The following DPYSL4 variants were observed in gnomAD, a reference collection of about 807,000 sequenced individuals.
DPYSL4 encodes the protein dihydropyrimidinase like 4, also known as dihydropyrimidinase-related protein 4.
A neutral mutation model predicts 63.4 loss-of-function variants in DPYSL4; 43 were observed. The ratio of observed to expected loss-of-function variants is 0.68; its 90% CI spans 0.53 to 0.88. The LOEUF (loss-of-function observed/expected upper bound fraction) is 0.88. Ranked by LOEUF, DPYSL4 falls within the 40% of genes least tolerant of loss-of-function variation. DPYSL4 has a pLI of 0.00. For synonymous variants in DPYSL4, 353 were observed against 331.7 expected (o/e 1.06, Z -0.70); for missense variants, 733 against 819.5 (o/e 0.89, Z 1.29).
intron 3 of DPYSL4, 82 bp from the exon 4 acceptor site, chr10:132,194,763 T>C (rs1330041097): frequency 7.1e-6 from 11 of 1,544,854 alleles, no homozygotes; most frequent in Admixed American, 1.8e-5. Flanking sequence ...CTTGGGAACA[T>C]GAAACAGAAT....
chr10:132,198,494 A>G lies in DPYSL4; in HGVS notation c.690+11A>G, dbSNP rs768855605. On this transcript the variant is annotated intron_variant, in intron 7 of 13. Transcript: ENST00000338492. The stretch of plus-strand genomic sequence containing the variant: ...AGCCACCCCGAGGAGGTAAGATCCC[A>G]GGGCACCACAGCACACCCGAGCCAA... The G allele has an allele frequency of 6.3e-7, 1 of 1,595,332 alleles. No homozygotes were observed. Among genetic ancestry groups the G allele is most frequent in the Admixed American group, 1.7e-5 (1 of 58,208 alleles).
At chr10:132,199,374 G>A (rs1003012198) in intron 8 of DPYSL4, among the ~76,000 whole-genome samples, 6 of 152,182 alleles carry the variant, frequency 3.9e-5, no homozygotes, top group African/African-American at 2.4e-5. Context: ...CAGCCAGCTG[G>A]AGCCTGGCAC....
intron 13 of DPYSL4, 86 bp downstream of exon 13, chr10:132,204,013 A>C: frequency 4.7e-6 from 7 of 1,495,724 alleles, no homozygotes; most frequent in Non-Finnish European, 6.4e-6. Flanking sequence ...GCCTGTGCCC[A>C]GAGGGGCTGC....
Position 132,188,629 on chromosome 10 carries a change from C to T in DPYSL4, c.39+1527C>T, listed in dbSNP as rs1195367876. On this transcript the variant is annotated intron_variant, in intron 1 of 13. Transcript: ENST00000338492. Reference sequence around the variant, plus strand: ...TCTGTAGACCAAGGGTCTAAAACTTCTTCCACAACCAGCCCGAGAGTAAAT... The same window carrying T: ...TCTGTAGACCAAGGGTCTAAAACTTTTTCCACAACCAGCCCGAGAGTAAAT... 3.3e-5 allele frequency among the ~76,000 whole-genome samples: 5 copies of T among 152,362 alleles called. No homozygotes were observed. The East Asian group carries it at 9.6e-4, about 29-fold the overall frequency.
intron 6 of DPYSL4, 67 bp from the exon 7 acceptor site, chr10:132,198,348 G>A: frequency 7.3e-6 from 11 of 1,510,570 alleles, no homozygotes; most frequent in Non-Finnish European, 9.0e-6. Flanking sequence ...TCCCAGCCTT[G>A]GGCTTAGCAT....
intron 6 of DPYSL4, 98 bp downstream of exon 6, chr10:132,197,199 G>T: frequency 9.3e-7 from 1 of 1,080,250 alleles, no homozygotes; most frequent in East Asian, 2.6e-5. Flanking sequence ...TGACTTTCAT[G>T]ATACGCAGAC....
intron 8 of DPYSL4, among the ~76,000 whole-genome samples, chr10:132,199,339 G>A (rs1272269382): frequency 3.3e-5 from 5 of 152,168 alleles, no homozygotes; most frequent in East Asian, 1.9e-4. Flanking sequence ...GTCCAGAGCC[G>A]GGGTGCTACC....
chr10:132,194,327 G>A (rs2061913716), intron 3 of DPYSL4, among the ~76,000 whole-genome samples: 1 of 152,254 alleles, frequency 6.6e-6, no homozygotes, highest in Admixed American at 6.5e-5. Context: ...GTGTGTGGTT[G>A]GTGGGGCAGC....
Position 132,195,007 on chromosome 10 carries a change from A to T in DPYSL4, c.476A>T (p.Lys159Met), listed in dbSNP as rs1443937889. 7.1e-6 allele frequency: 11 copies of T among 1,540,178 alleles called. No individual in the cohort carries two copies. Among genetic ancestry groups the T allele is most frequent in the Non-Finnish European group, 9.7e-6 (11 of 1,139,884 alleles). ...KEELEALVKE[K>M]GVNSFLVFMA... is the part of the protein sequence containing the mutation. Reference sequence around the variant, plus strand: ...GAGCTGGAGGCCCTGGTCAAGGAGAAGGGTGAGGGTGGCTGGAGGGGCTGG... The same window carrying T: ...GAGCTGGAGGCCCTGGTCAAGGAGATGGGTGAGGGTGGCTGGAGGGGCTGG... Residue 159 changes from lysine to methionine, a missense_variant and splice_region_variant, in exon 4 of 14, where the codon AAG becomes ATG. Physicochemically the swap from Lys to Met is moderately conservative, Grantham distance 95. Coordinates refer to ENST00000338492, the MANE Select transcript of DPYSL4 (RefSeq NM_006426.3).
chr10:132,194,333 G>A (rs143962601), intron 3 of DPYSL4, among the ~76,000 whole-genome samples: 13 of 152,380 alleles, frequency 8.5e-5, no homozygotes, highest in South Asian at 4.1e-4. Flanking sequence ...GGTTGGTGGG[G>A]CAGCAGCATG....
rs761598819 is a variant in DPYSL4 at position 132,198,921 on chromosome 10, A to G, written c.761A>G (p.Lys254Arg). 1.6e-5 allele frequency: 25 copies of G among 1,612,778 alleles called. No homozygotes were observed. The Admixed American group carries it at 1.8e-4, about 12-fold the overall frequency. The stretch of plus-strand genomic sequence containing the variant: ...GCAAACTGCCCGCTGTACGTCACCA[A>G]GGTGATGAGCAAGGGGGCGGCCGAC... Reference protein sequence around the residue: ...KQANCPLYVTKVMSKGAADAI... With the variant: ...KQANCPLYVTRVMSKGAADAI... The change falls in exon 8 of 14, where the codon AAG becomes AGG. Residue 254 changes from lysine to arginine, a missense_variant. Coordinates refer to ENST00000338492, the MANE Select transcript of DPYSL4 (RefSeq NM_006426.3).
At chr10:132,203,605 A>G in intron 12 of DPYSL4, 157 bp from the exon 13 acceptor site, 1 of 656,236 alleles carries the variant, frequency 1.5e-6, no homozygotes, top group Middle Eastern at 4.3e-4. Flanking sequence ...GCACCCCCCC[A>G]GGGCAGCCCC....
In DPYSL4 at chr10:132,197,324, C is replaced by T. The variant is rs77508112; in HGVS notation, c.621+223C>T. Among the ~76,000 whole-genome samples, 714 of 152,292 alleles carry T rather than the reference C, an allele frequency of 4.7e-3. 4 individuals carry two copies. Among genetic ancestry groups the T allele is most frequent in the African/African-American group, 0.016 (678 of 41,562 alleles). ...GATGGGGAGCTTTGAGGCCATAAAA[C>T]AGCTTCTCCTTGATCAACACTTCTT... is the stretch of plus-strand genomic sequence containing the variant. On this transcript the variant is annotated intron_variant, in intron 6 of 13. Coordinates refer to ENST00000338492, the MANE Select transcript of DPYSL4 (RefSeq NM_006426.3).
chr10:132,189,582 A>G (rs1370985180), intron 1 of DPYSL4, among the ~76,000 whole-genome samples: 1 of 149,798 alleles, frequency 6.7e-6, no homozygotes, highest in African/African-American at 2.4e-5. Context: ...TCCGAGCTGC[A>G]CTGGAACCGA....
At position 132,202,756 on chromosome 10, in the gene DPYSL4, G is replaced by T. The variant is rs1299984458; in HGVS notation, c.1392G>T (p.Gly464=). 2 of 1,612,928 alleles carry T rather than the reference G, an allele frequency of 1.2e-6. No individual in the cohort carries two copies. Among genetic ancestry groups the T allele is most frequent in the African/African-American group, 2.7e-5 (2 of 74,946 alleles). Residue 464 remains glycine, a synonymous_variant, in exon 12 of 14, where the codon GGG becomes GGT. Coordinates refer to ENST00000338492, the MANE Select transcript of DPYSL4 (RefSeq NM_006426.3). ...LEDGKMFVTP[G]AGRFVPRKTF... The stretch of plus-strand genomic sequence containing the variant: ...ACGGGAAGATGTTTGTCACCCCGGG[G>T]GCGGGCCGCTTCGTCCCTCGGAAAA...
At position 132,187,023 on chromosome 10, in the gene DPYSL4, C is replaced by G. The variant is rs2061802241; in HGVS notation, c.-41C>G. 2.3e-6 allele frequency: 1 copy of G among 436,238 alleles called. No homozygotes were observed. Among genetic ancestry groups the G allele is most frequent in the South Asian group, 4.5e-5 (1 of 22,220 alleles). 27.0% of individuals were successfully genotyped at this position (436,238 alleles called of 1,614,324 possible). On this transcript the variant is annotated 5_prime_UTR_variant, in exon 1 of 14. Transcript: ENST00000338492. Reference sequence around the variant, plus strand: ...CCCGCCCGCCCGCCCGCCCGCCCGCCCCCGCTTGTGCCGCCCCTACCAGAG... The same window carrying G: ...CCCGCCCGCCCGCCCGCCCGCCCGCGCCCGCTTGTGCCGCCCCTACCAGAG...
intron 1 of DPYSL4, among the ~76,000 whole-genome samples, chr10:132,188,560 A>G (rs1278603924): frequency 1.3e-5 from 2 of 152,168 alleles, no homozygotes; most frequent in Non-Finnish European, 2.9e-5. Context: ...CTCAGCTGGG[A>G]CTGGGCAGGA....
At position 132,187,015 on chromosome 10, in the gene DPYSL4, C is replaced by T. The variant is rs1276633360; in HGVS notation, c.-49C>T. The T allele has an allele frequency of 4.1e-5, 9 of 221,844 alleles. No homozygotes were observed. The highest frequency in any genetic ancestry group is 5.7e-5 in the Non-Finnish European group (7 of 122,912). 13.7% of individuals were successfully genotyped at this position (221,844 alleles called of 1,614,324 possible). A position where few individuals can be genotyped will look rare whatever the true frequency, so the allele number is the denominator to read the frequency against. ...CGCGTCCCCCCGCCCGCCCGCCCGCCCGCCCGCCCCCGCTTGTGCCGCCCC... is the reference window on the plus strand; with the variant it reads ...CGCGTCCCCCCGCCCGCCCGCCCGCTCGCCCGCCCCCGCTTGTGCCGCCCC... On this transcript the variant is annotated 5_prime_UTR_variant, in exon 1 of 14. Transcript: ENST00000338492.
rs1391339128 is a variant in DPYSL4 at position 132,197,059 on chromosome 10, C to T, written c.579C>T (p.Ala193=). ...TCAGCATCATCCGGGACCTGGGGGC[C>T]TTGGCCCAGGTGCACGCTGAGAACG... The part of the protein sequence containing the change: ...EIFSIIRDLG[A]LAQVHAENGD... The change falls in exon 6 of 14, where the codon GCC becomes GCT. Residue 193 remains alanine (A), a synonymous_variant. Transcript: ENST00000338492. The T allele has an allele frequency of 1.3e-6, 2 of 1,576,808 alleles. No individual in the cohort carries two copies. Among genetic ancestry groups the T allele is most frequent in the Non-Finnish European group, 1.7e-6 (2 of 1,159,790 alleles).
Sources: gnomAD v4.1 joint callset for allele counts (sites outside exome capture counted in the v4.1 genomes callset) on GRCh38, gnomAD v4.1.1 for gene constraint, MANE v1.5 for transcripts, NCBI Gene and HGNC (gene_info 2026-07-23, HGNC 2026-07-21) for gene names.